ME1: variants seen among roughly 807,000 people sequenced by gnomAD.
ME1 encodes the protein NADP-dependent malic enzyme.
ME1 carries 74 observed loss-of-function variants against 66.4 expected under a neutral mutation model. That is an observed-to-expected ratio of 1.11 (90% CI 0.92 to 1.35). The LOEUF (loss-of-function observed/expected upper bound fraction) is 1.35. ME1 is among the 40% of genes most tolerant of loss of function. The pLI is 0.00. For synonymous variants in ME1, 251 were observed against 235.6 expected, an observed-to-expected ratio of 1.07 and a Z score of -0.60; for missense variants, 750 against 694.1, an observed-to-expected ratio of 1.08 and a Z score of -0.90.
intron 6 of ME1, among the ~76,000 whole-genome samples, chr6:83,271,283 CA>C (rs1356989925): frequency 1.3e-5 from 2 of 152,294 alleles, no homozygotes; most frequent in East Asian, 3.9e-4. Flanking sequence ...TGACAATTTA[CA>C]GACACAAATT....
chr6:83,238,801 T>A (rs984723087), intron 8 of ME1, among the ~76,000 whole-genome samples: 52 of 146,092 alleles, frequency 3.6e-4, no homozygotes, highest in Non-Finnish European at 6.4e-4. Context: ...TCTTGAAAAA[T>A]ATATATATAT....
intron 6 of ME1, among the ~76,000 whole-genome samples, chr6:83,294,837 C>T (rs993376107): frequency 5.9e-5 from 9 of 152,162 alleles, no homozygotes; most frequent in African/African-American, 9.7e-5. Flanking sequence ...TGCAGCGCCA[C>T]ATCTCTCTGG....
At chr6:83,387,259 T>C (rs1769525840) in intron 3 of ME1, among the ~76,000 whole-genome samples, 1 of 152,152 alleles carries the variant, frequency 6.6e-6, no homozygotes, top group Admixed American at 6.5e-5. Flanking sequence ...GCAAGAACAA[T>C]ATGAAAGTTT....
chr6:83,265,190 T>C (rs892777281), intron 6 of ME1, among the ~76,000 whole-genome samples: 1 of 152,256 alleles, frequency 6.6e-6, no homozygotes, highest in Non-Finnish European at 1.5e-5. Context: ...TAACATTCAA[T>C]AGCAATAAAG....
At chr6:83,348,620 G>A (rs770862203) in intron 4 of ME1, among the ~76,000 whole-genome samples, 32 of 151,562 alleles carry the variant, frequency 2.1e-4, no homozygotes, top group Non-Finnish European at 4.3e-4. Flanking sequence ...GGGATTTCAA[G>A]TGGCATAACT....
intron 2 of ME1, among the ~76,000 whole-genome samples, chr6:83,403,119 C>T (rs574467003): frequency 6.6e-6 from 1 of 152,246 alleles, no homozygotes; most frequent in African/African-American, 2.4e-5. Flanking sequence ...GTAAACATCA[C>T]CCAAGGATTT....
chr6:83,373,856 G>A lies in ME1; in HGVS notation c.363-21717C>T, dbSNP rs562575114. ...CTCCTACTTATAAATGAGAATATGCGGTGTTTGGTTTTCTGTTCCTGTGTT... is the reference window on the plus strand; with the variant it reads ...CTCCTACTTATAAATGAGAATATGCAGTGTTTGGTTTTCTGTTCCTGTGTT... On this transcript the variant is annotated intron_variant, in intron 3 of 13. Coordinates refer to ENST00000369705, the MANE Select transcript of ME1 (RefSeq NM_002395.6). Among the ~76,000 whole-genome samples the A allele has an allele frequency of 8.5e-5, 13 of 152,178 alleles. No individual in the cohort carries two copies. In the East Asian group the frequency reaches 1.4e-3, roughly 16 times the overall value.
At chr6:83,351,425 C>T (rs1037505663) in intron 4 of ME1, among the ~76,000 whole-genome samples, 1 of 152,112 alleles carries the variant, frequency 6.6e-6, no homozygotes, top group Non-Finnish European at 1.5e-5. Context: ...CTCCCTTAGA[C>T]AAGGAAGATG....
intron 12 of ME1, 79 bp downstream of exon 12, chr6:83,223,681 T>A (rs111933727): frequency 7.4e-7 from 1 of 1,350,534 alleles, no homozygotes; most frequent in African/African-American, 1.5e-5. Flanking sequence ...AGATGCTAGA[T>A]AAATAAAACA....
chr6:83,286,096 G>C (rs1280506232), intron 6 of ME1, among the ~76,000 whole-genome samples: 1 of 152,172 alleles, frequency 6.6e-6, no homozygotes, highest in Non-Finnish European at 1.5e-5. Flanking sequence ...AAATAAGACA[G>C]GAGTGTCGTG....
At chr6:83,389,912 G>A (rs181010404) in intron 3 of ME1, among the ~76,000 whole-genome samples, 8 of 151,936 alleles carry the variant, frequency 5.3e-5, no homozygotes, top group African/African-American at 1.2e-4. Context: ...AAATGATTTC[G>A]GCACATGGGA....
chr6:83,416,545 A>G (rs973116247), intron 1 of ME1, among the ~76,000 whole-genome samples: 2 of 152,098 alleles, frequency 1.3e-5, no homozygotes, highest in Admixed American at 6.5e-5. Flanking sequence ...CACAAACTCT[A>G]TGAGATTTAG....
chr6:83,430,804 C>CG lies in ME1; in HGVS notation c.78+72dup, dbSNP rs1044674306. Reference sequence around the variant, plus strand: ...GCGGCGGAGGGGCGAGGCCATGGTGCGGGGACCTGCAAGAGGGCCCTGACC... The same window carrying CG: ...GCGGCGGAGGGGCGAGGCCATGGTGCGGGGGACCTGCAAGAGGGCCCTGACC... On this transcript the variant is annotated intron_variant, in intron 1 of 13. Coordinates refer to ENST00000369705, the MANE Select transcript of ME1 (RefSeq NM_002395.6). 41 of 1,325,798 alleles carry CG rather than the reference C, an allele frequency of 3.1e-5. No homozygotes were observed. In the African/African-American group the frequency reaches 3.9e-4, roughly 13 times the overall value. 82.1% of individuals were successfully genotyped at this position (1,325,798 alleles called of 1,614,324 possible). A position where few individuals can be genotyped will look rare whatever the true frequency, so the allele number is the denominator to read the frequency against.
chr6:83,412,461 TTAAC>T (rs565006357), intron 1 of ME1, among the ~76,000 whole-genome samples: 271 of 152,290 alleles, frequency 1.8e-3, no homozygotes, highest in African/African-American at 5.5e-3. Flanking sequence ...ATGTGTCGGA[TTAAC>T]TAACTAATGA....
rs1790141395 is a variant in ME1 at position 83,224,003 on chromosome 6, G to A, written c.1276-70C>T. 1.9e-5 allele frequency: 25 copies of A among 1,340,984 alleles called. No individual in the cohort carries two copies. The South Asian group carries it at 2.9e-4, about 16-fold the overall frequency. The allele number at this position is 1,340,984 out of a possible 1,614,324, so 83.1% of individuals were successfully genotyped here. On this transcript the variant is annotated intron_variant, in intron 11 of 13. Transcript: ENST00000369705. ...ATTTTAAAACAAATGTATCATAACA[G>A]AACTACCCCACAGCCTAAATTATAA... is the stretch of plus-strand genomic sequence containing the variant.
chr6:83,406,000 C>T (rs1045513611), intron 2 of ME1, among the ~76,000 whole-genome samples: 18 of 152,096 alleles, frequency 1.2e-4, no homozygotes, highest in East Asian at 9.7e-4. Flanking sequence ...GGATTACAGG[C>T]GTGAGCCACC....
At chr6:83,311,244 A>G (rs1398136903) in intron 6 of ME1, among the ~76,000 whole-genome samples, 1 of 152,168 alleles carries the variant, frequency 6.6e-6, no homozygotes, top group Non-Finnish European at 1.5e-5. Flanking sequence ...AAGGAGCCAC[A>G]AGACCAGTAT....
At chr6:83,397,108 T>C (rs1478809755) in intron 3 of ME1, among the ~76,000 whole-genome samples, 1 of 152,074 alleles carries the variant, frequency 6.6e-6, no homozygotes, top group Non-Finnish European at 1.5e-5. Flanking sequence ...CCCAGTGGCA[T>C]AGGCAAAAGC....
At chr6:83,313,775 G>C (rs1272914206) in intron 6 of ME1, among the ~76,000 whole-genome samples, 1 of 147,372 alleles carries the variant, frequency 6.8e-6, no homozygotes, top group African/African-American at 2.5e-5. Context: ...TCAAACTGCA[G>C]AGTTTCTCAA....
Sources: allele counts gnomAD v4.1 joint callset (sites outside exome capture counted in the v4.1 genomes callset), GRCh38; gene constraint gnomAD v4.1.1; transcripts MANE v1.5; gene names NCBI Gene and HGNC (gene_info 2026-07-23, HGNC 2026-07-21).